The following APMAP variants were observed in gnomAD, a reference collection of about 807,000 sequenced individuals.
APMAP encodes the protein adipocyte plasma membrane-associated protein.
A neutral mutation model predicts 43.6 loss-of-function variants in APMAP; 33 were observed. That is an observed-to-expected ratio of 0.76 (90% CI 0.57 to 1.01). The LOEUF (loss-of-function observed/expected upper bound fraction) is 1.01. APMAP is among the 50% of genes least tolerant of loss of function. The pLI is 0.00. For missense variants in APMAP, 498 were observed against 540.7 expected (o/e 0.92, Z 0.78); for synonymous variants, 224 against 216.7 (o/e 1.03, Z -0.30).
At chr20:24,965,493 AGCCCACTCC>A (rs2087934848) in intron 8 of APMAP, among the ~76,000 whole-genome samples, 1 of 152,274 alleles carries the variant, frequency 6.6e-6, no homozygotes, top group African/African-American at 2.4e-5. Flanking sequence ...GACCCAGACA[AGCCCACTCC>A]GCTTGGGTGA....
chr20:24,987,638 TAAAA>T (rs1320895410), intron 1 of APMAP, among the ~76,000 whole-genome samples: 1 of 147,750 alleles, frequency 6.8e-6, no homozygotes, highest in African/African-American at 2.5e-5. Flanking sequence ...TCACCTCAAC[TAAAA>T]AAAAAAGTTG....
chr20:24,987,684 C>T (rs1279682291), intron 1 of APMAP, among the ~76,000 whole-genome samples: 1 of 151,844 alleles, frequency 6.6e-6, no homozygotes, highest in East Asian at 1.9e-4. Context: ...ACTTGGATTG[C>T]GGTAATTACT....
At position 24,969,636 on chromosome 20, in the gene APMAP, G is replaced by A. The variant is rs768944644; in HGVS notation, c.738C>T (p.Thr246=). 6.2e-7 allele frequency: 1 copy of A among 1,613,862 alleles called. No individual in the cohort carries two copies. Among genetic ancestry groups the A allele is most frequent in the Non-Finnish European group, 8.5e-7 (1 of 1,179,788 alleles). ...GGTCCAATAAAACTTTTACTTCCCTGGTCACAGTATCATACTCCAGCAGGC... is the reference window on the plus strand; with the variant it reads ...GGTCCAATAAAACTTTTACTTCCCTAGTCACAGTATCATACTCCAGCAGGC... ...DGRLLEYDTV[T]REVKVLLDQL... is the part of the protein sequence containing the mutation. Residue 246 remains threonine (T), a synonymous_variant, in exon 7 of 9, where the codon ACC becomes ACT. Transcript: ENST00000217456.
chr20:24,979,612 TG>T (rs1224345457), intron 2 of APMAP, among the ~76,000 whole-genome samples: 2 of 152,130 alleles, frequency 1.3e-5, no homozygotes, highest in Non-Finnish European at 1.5e-5. Context: ...CTTACAACCC[TG>T]GCTGGGGCCA....
At chr20:24,972,369 G>A (rs1275236245) in intron 4 of APMAP, among the ~76,000 whole-genome samples, 1 of 148,328 alleles carries the variant, frequency 6.7e-6, no homozygotes, top group Non-Finnish European at 1.5e-5. Flanking sequence ...ATTGCAGGGT[G>A]TTCACTGTGA....
chr20:24,978,622 G>A (rs1009264889), intron 3 of APMAP, 145 bp downstream of exon 3: 24 of 642,866 alleles, frequency 3.7e-5, no homozygotes, highest in South Asian at 9.5e-5. Flanking sequence ...GATGTCTGAG[G>A]GCCAAGTCCC....
At chr20:24,977,731 C>T (rs1333429131) in intron 3 of APMAP, among the ~76,000 whole-genome samples, 1 of 152,232 alleles carries the variant, frequency 6.6e-6, no homozygotes, top group East Asian at 1.9e-4. Context: ...GTTTGCACTT[C>T]AACTGCTGTT....
intron 8 of APMAP, among the ~76,000 whole-genome samples, chr20:24,967,844 C>A (rs1458305751): frequency 6.6e-6 from 1 of 152,184 alleles, no homozygotes; most frequent in East Asian, 1.9e-4. Context: ...GTCTCTGGAG[C>A]CAATAAGGCA....
rs747919615 is a variant in APMAP at position 24,968,905 on chromosome 20, CT to C, written c.1027del (p.Arg343GlyfsTer2). 6.3e-7 allele frequency: 1 copy of C among 1,590,130 alleles called. No individual in the cohort carries two copies. Among genetic ancestry groups the C allele is most frequent in the East Asian group, 2.2e-5 (1 of 44,610 alleles). Reference protein sequence around the residue: ...DFLSERPWIKRMIFKLFSQET... With the variant: ...DFLSERPWIKXMIFKLFSQET... ...TTTCACAGTTACCTTAAAAATCATC[CT>C]TTTAATCCAGGGTCTCTCAGATAAG... On this transcript the variant is annotated frameshift_variant, in exon 8 of 9. Coordinates refer to ENST00000217456, the MANE Select transcript of APMAP (RefSeq NM_020531.3). LOFTEE classifies it high-confidence loss of function.
chr20:24,992,185 C>G (rs577830754), intron 1 of APMAP, among the ~76,000 whole-genome samples: 33 of 152,300 alleles, frequency 2.2e-4, no homozygotes, highest in African/African-American at 7.7e-4. Flanking sequence ...ACACGCAGGG[C>G]CCCGGCCAAG....
At chr20:24,985,897 G>T (rs1054823771) in intron 1 of APMAP, among the ~76,000 whole-genome samples, 1 of 152,168 alleles carries the variant, frequency 6.6e-6, no homozygotes, top group Non-Finnish European at 1.5e-5. Context: ...TGCTGGGGAG[G>T]GTGCAGAAGG....
chr20:24,970,763 T>C (rs1031564593), intron 5 of APMAP, among the ~76,000 whole-genome samples: 5 of 152,246 alleles, frequency 3.3e-5, no homozygotes, highest in Non-Finnish European at 7.3e-5. Context: ...GAACATGGAT[T>C]GAGTGCTAAG....
chr20:24,984,843 T>C (rs548688300), intron 1 of APMAP, among the ~76,000 whole-genome samples: 182 of 152,308 alleles, frequency 1.2e-3, no homozygotes, highest in African/African-American at 4.0e-3. Flanking sequence ...ATAAACCTCA[T>C]AGGATCATTA....
chr20:24,979,732 C>A (rs1178029527), intron 2 of APMAP, among the ~76,000 whole-genome samples: 2 of 152,090 alleles, frequency 1.3e-5, no homozygotes, highest in African/African-American at 4.8e-5. Context: ...CCACAATGGC[C>A]CCCTCTCACC....
intron 3 of APMAP, among the ~76,000 whole-genome samples, chr20:24,975,158 C>A (rs1187876056): frequency 6.6e-6 from 1 of 152,124 alleles, no homozygotes; most frequent in Non-Finnish European, 1.5e-5. Flanking sequence ...TTTTCAGTAT[C>A]ATACTTGAAG....
At chr20:24,973,842 T>C (rs112073558) in intron 3 of APMAP, 105 bp from the exon 4 acceptor site, 49 of 905,410 alleles carry the variant, frequency 5.4e-5, no homozygotes, top group African/African-American at 2.7e-4. Flanking sequence ...CCCTGCCCTA[T>C]AGAGGAAATG....
intron 1 of APMAP, among the ~76,000 whole-genome samples, 175 bp downstream of exon 1, chr20:24,992,419 G>C (rs1468956173): frequency 1.3e-5 from 2 of 152,216 alleles, no homozygotes; most frequent in Non-Finnish European, 2.9e-5. Flanking sequence ...CCGCCTTGTC[G>C]GAGCCTGCTT....
chr20:24,963,985 C>T lies in APMAP; in HGVS notation c.1079G>A (p.Arg360Gln), dbSNP rs775710141. The T allele has an allele frequency of 5.6e-6, 9 of 1,614,206 alleles. No homozygotes were observed. Among genetic ancestry groups the T allele is most frequent in the South Asian group, 3.3e-5 (3 of 91,086 alleles). The change falls in exon 9 of 9, where the codon CGG (arginine) becomes CAG (glutamine). Residue 360 changes from arginine (R) to glutamine (Q), a missense_variant. Transcript: ENST00000217456. ...GCTGAGTTCTAGGACGAGGCTGTAC[C>T]GCGGCACAAACTTCATCACCGTCTC... ...SQETVMKFVPRYSLVLELSDS... is the reference protein window; with the variant it reads ...SQETVMKFVPQYSLVLELSDS...
In APMAP at chr20:24,970,363, T is replaced by C. The variant is rs769187962; in HGVS notation, c.547A>G (p.Lys183Glu). ...FEVNPWKREV[K>E]LLLSSETPIE... ...GGTGTCTCGGAGGACAGCAGCAGTT[T>C]CACTTCACCTGAAGTTTAAAAAGAA... Residue 183 changes from lysine to glutamate, a missense_variant, in exon 6 of 9, where the codon AAA becomes GAA. Coordinates refer to ENST00000217456, the MANE Select transcript of APMAP (RefSeq NM_020531.3). 6.2e-7 allele frequency: 1 copy of C among 1,608,474 alleles called. No individual in the cohort carries two copies. The highest frequency in any genetic ancestry group is 8.5e-7 in the Non-Finnish European group (1 of 1,177,068).
Sources: gnomAD v4.1 joint callset for allele counts (sites outside exome capture counted in the v4.1 genomes callset) on GRCh38, gnomAD v4.1.1 for gene constraint, MANE v1.5 for transcripts, NCBI Gene and HGNC (gene_info 2026-07-23, HGNC 2026-07-21) for gene names.